The following SIL1 variants were observed in gnomAD, a reference collection of about 807,000 sequenced individuals.
The protein encoded by SIL1 is nucleotide exchange factor SIL1.
In SIL1, 40 loss-of-function variants were observed where a neutral mutation model predicts 49.1. The ratio of observed to expected loss-of-function variants is 0.81; its 90% CI spans 0.63 to 1.06. The LOEUF (loss-of-function observed/expected upper bound fraction) is 1.06. SIL1 is among the 50% of genes least tolerant of loss of function. The probability of loss-of-function intolerance (pLI) is 0.00; values close to 1 mark genes in which losing one functional copy is unlikely to be tolerated. For synonymous variants in SIL1, 253 were observed against 250.8 expected, an observed-to-expected ratio of 1.01 and a Z score of -0.08; for missense variants, 500 against 572.6, an observed-to-expected ratio of 0.87 and a Z score of 1.29.
At chr5:138,990,612 G>C (rs1303947524) in intron 7 of SIL1, among the ~76,000 whole-genome samples, 1 of 152,102 alleles carries the variant, frequency 6.6e-6, no homozygotes, top group African/African-American at 2.4e-5. Flanking sequence ...GTTTTTGTTA[G>C]AGATGGGATC....
chr5:138,976,840 T>TA (rs962995234), intron 7 of SIL1, among the ~76,000 whole-genome samples: 10 of 150,654 alleles, frequency 6.6e-5, no homozygotes, highest in African/African-American at 9.8e-5. Flanking sequence ...TATATGAAAT[T>TA]AAAAAAAAAA....
At chr5:139,195,362 G>A (rs1328618137) in intron 1 of SIL1, among the ~76,000 whole-genome samples, 1 of 152,120 alleles carries the variant, frequency 6.6e-6, no homozygotes, top group Non-Finnish European at 1.5e-5. Flanking sequence ...ACCCTTCAAA[G>A]TAAATATTAT....
rs542074498 is a variant in SIL1 at position 139,025,769 on chromosome 5, C to T, written c.645+1032G>A. 3.3e-5 allele frequency among the ~76,000 whole-genome samples: 5 copies of T among 152,268 alleles called. No individual in the cohort carries two copies. The East Asian group carries it at 9.6e-4, about 29-fold the overall frequency. On this transcript the variant is annotated intron_variant, in intron 6 of 9. Transcript: ENST00000394817. ...CATGTTGTTTCCTCTAGCTGGAATG[C>T]TCTAATCTAAGGATTGGCAAACTTT...
intron 1 of SIL1, among the ~76,000 whole-genome samples, chr5:139,194,848 G>A (rs1561897720): frequency 6.6e-6 from 1 of 152,048 alleles, no homozygotes; most frequent in Non-Finnish European, 1.5e-5. Context: ...GGGGGAGGCT[G>A]AGCAGGTCAG....
At chr5:138,990,032 C>T (rs1003671002) in intron 7 of SIL1, among the ~76,000 whole-genome samples, 2 of 152,158 alleles carry the variant, frequency 1.3e-5, no homozygotes, top group Non-Finnish European at 2.9e-5. Flanking sequence ...AGGAATTTCA[C>T]GTTAAGGGTC....
intron 7 of SIL1, among the ~76,000 whole-genome samples, chr5:138,983,304 T>C (rs1334060886): frequency 1.3e-5 from 2 of 149,212 alleles, no homozygotes; most frequent in African/African-American, 5.0e-5. Context: ...GTCAGGAGAT[T>C]GAGACCATCC....
chr5:138,981,452 G>T (rs1767518135), intron 7 of SIL1, among the ~76,000 whole-genome samples: 1 of 152,116 alleles, frequency 6.6e-6, no homozygotes, highest in African/African-American at 2.4e-5. Context: ...AAAAAAGGAG[G>T]GGAGAGTCCC....
chr5:139,114,968 G>A (rs1346949989), intron 3 of SIL1, among the ~76,000 whole-genome samples: 8 of 152,132 alleles, frequency 5.3e-5, no homozygotes, highest in African/African-American at 1.2e-4. Flanking sequence ...TTGATGAGCC[G>A]CAGGGGCTTA....
At chr5:139,156,876 T>G (rs1751416362) in intron 1 of SIL1, among the ~76,000 whole-genome samples, 3 of 152,214 alleles carry the variant, frequency 2.0e-5, no homozygotes, top group African/African-American at 7.2e-5. Flanking sequence ...CCACCAAGTT[T>G]GTGTTCATCT....
chr5:139,131,020 A>T (rs967343240), intron 1 of SIL1, among the ~76,000 whole-genome samples: 1 of 152,234 alleles, frequency 6.6e-6, no homozygotes, highest in Non-Finnish European at 1.5e-5. Flanking sequence ...TATTTGGAAT[A>T]GTGAAAATAT....
intron 7 of SIL1, among the ~76,000 whole-genome samples, chr5:138,976,619 C>T (rs1323740782): frequency 6.6e-6 from 1 of 152,056 alleles, no homozygotes; most frequent in African/African-American, 2.4e-5. Flanking sequence ...AGGCCATTAC[C>T]TCCCTTATTC....
chr5:139,190,472 A>G (rs1752147997), intron 1 of SIL1, among the ~76,000 whole-genome samples: 2 of 152,224 alleles, frequency 1.3e-5, no homozygotes. Flanking sequence ...CCTTCCCAGG[A>G]GACTTTTAAC....
intron 3 of SIL1, among the ~76,000 whole-genome samples, chr5:139,067,260 A>G (rs1769727132): frequency 6.6e-6 from 1 of 152,220 alleles, no homozygotes; most frequent in Non-Finnish European, 1.5e-5. Context: ...CACAAGGAAA[A>G]TAAGAGAAAG....
At chr5:139,100,426 A>G (rs1339636215) in intron 3 of SIL1, among the ~76,000 whole-genome samples, 1 of 152,208 alleles carries the variant, frequency 6.6e-6, no homozygotes. Flanking sequence ...GACAGAGGTA[A>G]TGGTGAGCCG....
chr5:139,189,696 C>A (rs2151822905), intron 1 of SIL1, among the ~76,000 whole-genome samples: 1 of 152,246 alleles, frequency 6.6e-6, no homozygotes, highest in South Asian at 2.1e-4. Flanking sequence ...TGGTACACAT[C>A]TGTAATCTCA....
chr5:139,171,242 G>C (rs898453423), intron 1 of SIL1, among the ~76,000 whole-genome samples: 1 of 152,222 alleles, frequency 6.6e-6, no homozygotes, highest in African/African-American at 2.4e-5. Flanking sequence ...GACAATGGCG[G>C]TTTTGTGGAA....
intron 1 of SIL1, among the ~76,000 whole-genome samples, chr5:139,151,756 T>A (rs1353957129): frequency 6.6e-6 from 1 of 152,166 alleles, no homozygotes; most frequent in African/African-American, 2.4e-5. Context: ...GTATAAGCTC[T>A]AGCCAAAAGG....
chr5:139,170,199 C>T (rs10054590), intron 1 of SIL1, among the ~76,000 whole-genome samples: 30,282 of 152,056 alleles, frequency 0.2, 6,788 homozygotes, highest in African/African-American at 0.56. Context: ...AGTGCAGTGG[C>T]GTGATCTCGG....
chr5:139,101,792 A>T (rs1770593655), intron 3 of SIL1, among the ~76,000 whole-genome samples: 1 of 152,032 alleles, frequency 6.6e-6, no homozygotes, highest in African/African-American at 2.4e-5. Flanking sequence ...GTCTCTGGGG[A>T]CCTTACGATC....
Sources: allele counts gnomAD v4.1 joint callset (sites outside exome capture counted in the v4.1 genomes callset), GRCh38; gene constraint gnomAD v4.1.1; transcripts MANE v1.5; gene names NCBI Gene and HGNC (gene_info 2026-07-23, HGNC 2026-07-21).